OR10A3: variants seen among roughly 807,000 people sequenced by gnomAD.
OR10A3 encodes olfactory receptor family 10 subfamily A member 3.
In OR10A3, 1 loss-of-function variant was observed where a neutral mutation model predicts 1.5. The observed-to-expected ratio is 0.66, with a 90% CI of 0.23 to 3.11. The LOEUF is 3.11. Among genes scored for constraint, OR10A3 ranks in the 30% most tolerant of loss-of-function variants. OR10A3 has a pLI of 0.21. For missense variants in OR10A3, 398 were observed against 369.7 expected, an observed-to-expected ratio of 1.08 and a Z score of -0.63; for synonymous variants, 145 against 143.7, an observed-to-expected ratio of 1.01 and a Z score of -0.06.
Position 7,939,660 on chromosome 11 carries a change from G to A in OR10A3, c.-140C>T, listed in dbSNP as rs1210994358. The A allele has an allele frequency of 1.2e-5, 7 of 590,844 alleles. No homozygotes were observed. Among genetic ancestry groups the A allele is most frequent in the Non-Finnish European group, 2.0e-5 (7 of 355,434 alleles). The allele number at this position is 590,844 out of a possible 1,614,324, so 36.6% of individuals were successfully genotyped here. On this transcript the variant is annotated 5_prime_UTR_variant, in exon 2 of 2. Coordinates refer to ENST00000642047, the MANE Select transcript of OR10A3 (RefSeq NM_001003745.2). ...CTCATTTTGACAGAACTTCAGGTTGGCACTTTTGAAGAATGGCCAATGACT... is the reference window on the plus strand; with the variant it reads ...CTCATTTTGACAGAACTTCAGGTTGACACTTTTGAAGAATGGCCAATGACT...
chr11:7,938,365 T>C lies in OR10A3; in HGVS notation c.*211A>G, dbSNP rs1941385634. On this transcript the variant is annotated 3_prime_UTR_variant, in exon 2 of 2. Transcript: ENST00000642047. ...TACTTGGATGTTCATAATAGAGAAA[T>C]GGATGAATAAACTGTTGTGTCATGT... 1.0e-5 allele frequency: 5 copies of C among 479,304 alleles called. No homozygotes were observed. Among genetic ancestry groups the C allele is most frequent in the South Asian group, 3.9e-5 (1 of 25,914 alleles). 29.7% of individuals were successfully genotyped at this position (479,304 alleles called of 1,614,324 possible).
chr11:7,938,736 G>C lies in OR10A3; in HGVS notation c.785C>G (p.Pro262Arg), dbSNP rs748498528. ...YGTANMTYLQPKSGYSPETKK... is the reference protein window; with the variant it reads ...YGTANMTYLQRKSGYSPETKK... ...GGTTTCGGGTGAGTAGCCAGATTTG[G>C]GTTGTAAATAAGTCATATTGGCTGT... Residue 262 changes from proline (P) to arginine (R), a missense_variant, in exon 2 of 2, where the codon CCC becomes CGC. Transcript: ENST00000642047. 6.2e-7 allele frequency: 1 copy of C among 1,614,170 alleles called. No homozygotes were observed. Among genetic ancestry groups the C allele is most frequent in the Non-Finnish European group, 8.5e-7 (1 of 1,180,044 alleles).
Position 7,938,849 on chromosome 11 carries a change from G to A in OR10A3, c.672C>T (p.Ala224=). The stretch of plus-strand genomic sequence containing the variant: ...CAGTAGTTGATGGCATCTTCAGGAT[G>A]GCAAACAGAACTCGAATGTAAGACA... The part of the protein sequence containing the change: ...ILLSYIRVLF[A]ILKMPSTTGR... The change falls in exon 2 of 2, where the codon GCC becomes GCT. Residue 224 remains alanine (A), a synonymous_variant. Coordinates refer to ENST00000642047, the MANE Select transcript of OR10A3 (RefSeq NM_001003745.2). The A allele has an allele frequency of 6.2e-7, 1 of 1,614,162 alleles. No homozygotes were observed. Among genetic ancestry groups the A allele is most frequent in the Non-Finnish European group, 8.5e-7 (1 of 1,180,038 alleles).
rs1459834921 is a variant in OR10A3, at chr11:7,938,986, A to G, written c.535T>C (p.Cys179Arg). The G allele has an allele frequency of 6.2e-7, 1 of 1,614,234 alleles. No homozygotes were observed. Among genetic ancestry groups the G allele is most frequent in the East Asian group, 2.2e-5 (1 of 44,884 alleles). The change falls in exon 2 of 2, where the codon TGT (cysteine) becomes CGT (arginine). Residue 179 changes from cysteine to arginine, a missense_variant. Physicochemically the swap from Cys to Arg is radical, Grantham distance 180. Coordinates refer to ENST00000642047, the MANE Select transcript of OR10A3 (RefSeq NM_001003745.2). ...AGCTCTAGTACCGGGGGAGTCTCAC[A>G]GAAGAGATGATTAATTTCATTGGGG... Reference protein sequence around the residue: ...CGPNEINHLFCETPPVLELVC... With the variant: ...CGPNEINHLFRETPPVLELVC...
intron 1 of OR10A3, among the ~76,000 whole-genome samples, chr11:7,940,040 C>T (rs1394737127): frequency 6.6e-6 from 1 of 152,236 alleles, no homozygotes; most frequent in African/African-American, 2.4e-5. Flanking sequence ...GCCTCTGCTG[C>T]ACTTGGGTTC....
chr11:7,939,787 A>G lies in OR10A3; in HGVS notation c.-178-89T>C, dbSNP rs1231245439. The G allele has an allele frequency of 1.0e-5, 4 of 386,152 alleles. No homozygotes were observed. The Admixed American group carries it at 1.2e-4, about 12-fold the overall frequency. 23.9% of individuals were successfully genotyped at this position (386,152 alleles called of 1,614,324 possible). A position where few individuals can be genotyped will look rare whatever the true frequency, so the allele number is the denominator to read the frequency against. On this transcript the variant is annotated intron_variant, in intron 1 of 1. Coordinates refer to ENST00000642047, the MANE Select transcript of OR10A3 (RefSeq NM_001003745.2). ...ATAACAGTAAATGTTATCTGGCAAC[A>G]TCTTTGTTTTGTAGGTTGCTCTCTC...
rs1016768059 is a variant in OR10A3 at position 7,939,602 on chromosome 11, T to A, written c.-82A>T. 8 of 1,101,970 alleles carry A rather than the reference T, an allele frequency of 7.3e-6. No homozygotes were observed. Among genetic ancestry groups the A allele is most frequent in the Non-Finnish European group, 8.9e-6 (7 of 788,788 alleles). The allele number at this position is 1,101,970 out of a possible 1,614,324, so 68.3% of individuals were successfully genotyped here. On this transcript the variant is annotated 5_prime_UTR_variant, in exon 2 of 2. Coordinates refer to ENST00000642047, the MANE Select transcript of OR10A3 (RefSeq NM_001003745.2). ...GTAATCCCATAGCTGTGAGTTCAAG[T>A]CTGGAATTCTTGACAGCAGATGTAA...
chr11:7,938,778 A>G lies in OR10A3; in HGVS notation c.743T>C (p.Val248Ala), dbSNP rs1564870799. The G allele has an allele frequency of 6.2e-7, 1 of 1,614,240 alleles. No individual in the cohort carries two copies. The highest frequency in any genetic ancestry group is 8.5e-7 in the Non-Finnish European group (1 of 1,180,040). The part of the protein sequence containing the change: ...FSTCASHLTS[V>A]TLFYGTANMT... Reference sequence around the variant, plus strand: ...ATTGGCTGTGCCATAGAACAGGGTCACAGATGTGAGGTGAGAGGCACAGGT... The same window carrying G: ...ATTGGCTGTGCCATAGAACAGGGTCGCAGATGTGAGGTGAGAGGCACAGGT... The change falls in exon 2 of 2, where the codon GTG becomes GCG. Residue 248 changes from valine (V) to alanine (A), a missense_variant. Val to Ala is a moderately conservative substitution (Grantham distance 64). Coordinates refer to ENST00000642047, the MANE Select transcript of OR10A3 (RefSeq NM_001003745.2).
chr11:7,940,309 A>G (rs1941425538), intron 1 of OR10A3, among the ~76,000 whole-genome samples: 1 of 152,128 alleles, frequency 6.6e-6, no homozygotes, highest in Non-Finnish European at 1.5e-5. Context: ...AGCCACTCTC[A>G]GGGCAAAGCG....
In OR10A3 at chr11:7,939,396, T is replaced by C. The variant is rs1383412316; in HGVS notation, c.125A>G (p.Asn42Ser). 1 of 1,614,004 alleles carries C rather than the reference T, an allele frequency of 6.2e-7. No homozygotes were observed. The highest frequency in any genetic ancestry group is 8.5e-7 in the Non-Finnish European group (1 of 1,179,872). ...LVIYVVTLMG[N>S]AIITVIISLN... ...GGAGATGATGACTGTAATGATGGCA[T>C]TTCCCATCAGGGTCACCACATAAAT... The change falls in exon 2 of 2, where the codon AAT (asparagine) becomes AGT (serine). Residue 42 changes from asparagine (N) to serine (S), a missense_variant. By Grantham distance (46) the Asn-to-Ser change is conservative. Transcript: ENST00000642047.
rs1941404762 is a variant in OR10A3, at chr11:7,939,325, G to A, written c.196C>T (p.Leu66=). ...HVPMYLFLLN[L]SVVEVSFSAV... ...CTGAAACTCACCTCCACCACAGATA[G>A]GTTCAGGAGGAACAGGTACATGGGA... Residue 66 remains leucine (L), a synonymous_variant, in exon 2 of 2, where the codon CTA becomes TTA. Transcript: ENST00000642047. 1.9e-6 allele frequency: 3 copies of A among 1,614,062 alleles called. No individual in the cohort carries two copies. The highest frequency in any genetic ancestry group is 1.3e-5 in the African/African-American group (1 of 75,030).
rs1242212886 is a variant in OR10A3, at chr11:7,937,479, T to C, written c.*1097A>G. The stretch of plus-strand genomic sequence containing the variant: ...CATAGTGAGTTTGGGGTTCCAAGAT[T>C]TTACTTTCCTGTCACAGACTACAAA... On this transcript the variant is annotated 3_prime_UTR_variant, in exon 2 of 2. Coordinates refer to ENST00000642047, the MANE Select transcript of OR10A3 (RefSeq NM_001003745.2). The C allele has an allele frequency of 6.6e-6, 1 of 152,186 alleles. No individual in the cohort carries two copies. Among genetic ancestry groups the C allele is most frequent in the Non-Finnish European group, 1.5e-5 (1 of 68,030 alleles). The allele number at this position is 152,186 out of a possible 1,614,324, so 9.4% of individuals were successfully genotyped here.
Position 7,938,818 on chromosome 11 carries a change from G to T in OR10A3, c.703C>A (p.Gln235Lys), listed in dbSNP as rs1401950619. The T allele has an allele frequency of 5.0e-6, 8 of 1,614,160 alleles. No homozygotes were observed. The highest frequency in any genetic ancestry group is 6.8e-6 in the Non-Finnish European group (8 of 1,180,026). Residue 235 changes from glutamine (Q) to lysine (K), a missense_variant, in exon 2 of 2, where the codon CAA becomes AAA. Gln to Lys is a moderately conservative substitution (Grantham distance 53). Coordinates refer to ENST00000642047, the MANE Select transcript of OR10A3 (RefSeq NM_001003745.2). ...GAGGCACAGGTGGAAAAGGCCTTTT[G>T]TCTCCCAGTAGTTGATGGCATCTTC... ...ILKMPSTTGR[Q>K]KAFSTCASHL...
rs760300427 is a variant in OR10A3, at chr11:7,938,758, C to T, written c.763G>A (p.Ala255Thr). 3.1e-6 allele frequency: 5 copies of T among 1,614,060 alleles called. No homozygotes were observed. Among genetic ancestry groups the T allele is most frequent in the Non-Finnish European group, 3.4e-6 (4 of 1,180,044 alleles). The change falls in exon 2 of 2, where the codon GCC (alanine) becomes ACC (threonine). Residue 255 changes from alanine (A) to threonine (T), a missense_variant. By Grantham distance (58) the Ala-to-Thr change is moderately conservative (BLOSUM62 0). Coordinates refer to ENST00000642047, the MANE Select transcript of OR10A3 (RefSeq NM_001003745.2). ...TTGGGTTGTAAATAAGTCATATTGG[C>T]TGTGCCATAGAACAGGGTCACAGAT... ...LTSVTLFYGTANMTYLQPKSG... is the reference protein window; with the variant it reads ...LTSVTLFYGTTNMTYLQPKSG...
rs777075471 is a variant in OR10A3 at position 7,938,617 on chromosome 11, T to C, written c.904A>G (p.Ile302Val). The change falls in exon 2 of 2, where the codon ATA (isoleucine) becomes GTA (valine). Residue 302 changes from isoleucine (I) to valine (V), a missense_variant. Physicochemically the swap from Ile to Val is conservative, Grantham distance 29. Transcript: ENST00000642047. ...ATCACTTTTCTTCGCCATAGTTTTA[T>C]CAAAGTCCTCTTCATCTCACTGTTT... ...LRNSEMKRTL[I>V]KLWRRKVILH... is the part of the protein sequence containing the mutation. 1.2e-6 allele frequency: 2 copies of C among 1,613,386 alleles called. No individual in the cohort carries two copies. The highest frequency in any genetic ancestry group is 4.5e-5 in the East Asian group (2 of 44,890).
intron 1 of OR10A3, among the ~76,000 whole-genome samples, chr11:7,940,849 C>A (rs1941432571): frequency 6.6e-6 from 1 of 152,058 alleles, no homozygotes; most frequent in Non-Finnish European, 1.5e-5. Flanking sequence ...CTAGCATGGA[C>A]CTCCAAACTG....
Position 7,938,786 on chromosome 11 carries a change from G to A in OR10A3, c.735C>T (p.Leu245=), listed in dbSNP as rs373017500. 8 of 1,614,094 alleles carry A rather than the reference G, an allele frequency of 5.0e-6. No homozygotes were observed. In the African/African-American group the frequency reaches 1.1e-4, roughly 22 times the overall value. Residue 245 remains leucine (L), a synonymous_variant, in exon 2 of 2, where the codon CTC becomes CTT. Coordinates refer to ENST00000642047, the MANE Select transcript of OR10A3 (RefSeq NM_001003745.2). The part of the protein sequence containing the change: ...QKAFSTCASH[L]TSVTLFYGTA... ...TGCCATAGAACAGGGTCACAGATGT[G>A]AGGTGAGAGGCACAGGTGGAAAAGG...
Position 7,938,239 on chromosome 11 carries a change from G to C in OR10A3, c.*337C>G, listed in dbSNP as rs746294194. On this transcript the variant is annotated 3_prime_UTR_variant, in exon 2 of 2. Coordinates refer to ENST00000642047, the MANE Select transcript of OR10A3 (RefSeq NM_001003745.2). ...GAATTGCTAGAACCCAGGAGGTGGAGGTTGCAGTGAGCCCAGATCGTGCCA... is the reference window on the plus strand; with the variant it reads ...GAATTGCTAGAACCCAGGAGGTGGACGTTGCAGTGAGCCCAGATCGTGCCA... The C allele has an allele frequency of 5.3e-6, 1 of 187,272 alleles. No individual in the cohort carries two copies. Among genetic ancestry groups the C allele is most frequent in the Non-Finnish European group, 1.1e-5 (1 of 91,326 alleles). The allele number at this position is 187,272 out of a possible 1,614,324, so 11.6% of individuals were successfully genotyped here.
Position 7,939,011 on chromosome 11 carries a change from G to C in OR10A3, c.510C>G (p.Gly170=). ...AGAAGAGATGATTAATTTCATTGGG[G>C]CCACAAAATGGAAAACTAAATACCC... The part of the protein sequence containing the change: ...TTWVFSFPFC[G]PNEINHLFCE... Residue 170 remains glycine, a synonymous_variant, in exon 2 of 2, where the codon GGC becomes GGG. Transcript: ENST00000642047. The C allele has an allele frequency of 6.2e-7, 1 of 1,614,128 alleles. No homozygotes were observed. Among genetic ancestry groups the C allele is most frequent in the Non-Finnish European group, 8.5e-7 (1 of 1,180,020 alleles).
Sources: gnomAD v4.1 joint callset for allele counts (sites outside exome capture counted in the v4.1 genomes callset) on GRCh38, gnomAD v4.1.1 for gene constraint, MANE v1.5 for transcripts, NCBI Gene and HGNC (gene_info 2026-07-23, HGNC 2026-07-21) for gene names.